The following ABCC12 variants were observed in gnomAD, a reference collection of about 807,000 sequenced individuals.
ABCC12 encodes the protein ATP binding cassette subfamily C member 12, also known as ATP-binding cassette sub-family C member 12.
A neutral mutation model predicts 151.1 loss-of-function variants in ABCC12; 142 were observed. That is an observed-to-expected ratio of 0.94 (90% CI 0.82 to 1.08). The LOEUF (loss-of-function observed/expected upper bound fraction) is 1.08, where lower values mean the gene tolerates loss of function less well. ABCC12 is among the 50% of genes least tolerant of loss of function. The pLI is 0.00. For missense variants in ABCC12, 1,638 were observed against 1,691.1 expected (o/e 0.97, Z 0.55); for synonymous variants, 645 against 646.4 (o/e 1.00, Z 0.03).
At chr16:48,138,108 C>A (rs2150668236) in intron 8 of ABCC12, 120 bp downstream of exon 8, 1 of 1,081,340 alleles carries the variant, frequency 9.2e-7, no homozygotes, top group South Asian at 2.3e-5. Context: ...ACCTGCAGAG[C>A]AGCTCAGAGG....
In ABCC12 at chr16:48,130,637, T is replaced by C. The variant is rs572134354; in HGVS notation, c.1236+151A>G. The C allele has an allele frequency of 2.3e-5, 14 of 610,712 alleles. 1 individual carries two copies. The East Asian group carries it at 3.9e-4, about 17-fold the overall frequency. 37.8% of individuals were successfully genotyped at this position (610,712 alleles called of 1,614,324 possible). On this transcript the variant is annotated intron_variant, in intron 10 of 30. Coordinates refer to ENST00000311303, the MANE Select transcript of ABCC12 (RefSeq NM_001393797.1). Reference sequence around the variant, plus strand: ...CTGCTCTGTCCTTCATACACATTTATTCATCTAACTCTGAATGGATGCCCT... The same window carrying C: ...CTGCTCTGTCCTTCATACACATTTACTCATCTAACTCTGAATGGATGCCCT...
At chr16:48,149,441 T>A (rs1965088704) in intron 2 of ABCC12, among the ~76,000 whole-genome samples, 1 of 152,098 alleles carries the variant, frequency 6.6e-6, no homozygotes, top group African/African-American at 2.4e-5. Flanking sequence ...GAAGATCCAA[T>A]GATATGCTTC....
Position 48,107,377 on chromosome 16 carries a change from C to A in ABCC12, c.2420G>T (p.Gly807Val), listed in dbSNP as rs935722980. ...CCACCAGTTGCTGAAGGCAGCGCTGCCAATCATCAGGAGGAAGAGGAACAC... is the reference window on the plus strand; with the variant it reads ...CCACCAGTTGCTGAAGGCAGCGCTGACAATCATCAGGAGGAAGAGGAACAC... Reference protein sequence around the residue: ...FTVFLFLLMIGSAAFSNWWLG... With the variant: ...FTVFLFLLMIVSAAFSNWWLG... Residue 807 changes from glycine to valine, a missense_variant, in exon 20 of 31, where the codon GGC (glycine) becomes GTC (valine). Gly to Val is a moderately radical substitution (Grantham distance 109). Coordinates refer to ENST00000311303, the MANE Select transcript of ABCC12 (RefSeq NM_001393797.1). 1.2e-6 allele frequency: 2 copies of A among 1,614,166 alleles called. No individual in the cohort carries two copies. Among genetic ancestry groups the A allele is most frequent in the African/African-American group, 2.7e-5 (2 of 75,034 alleles).
intron 12 of ABCC12, among the ~76,000 whole-genome samples, chr16:48,122,141 C>T (rs1483556324): frequency 2.6e-5 from 4 of 152,238 alleles, no homozygotes; most frequent in Non-Finnish European, 4.4e-5. Flanking sequence ...CTGGGCCCAA[C>T]TACAACAGGA....
chr16:48,140,959 A>G (rs1964789356), intron 5 of ABCC12, 39 bp from the exon 6 acceptor site: 1 of 1,582,580 alleles, frequency 6.3e-7, no homozygotes, highest in South Asian at 1.1e-5. Flanking sequence ...AGGGCCACTG[A>G]GGGCTGAGGC....
chr16:48,086,537 T>C, intron 28 of ABCC12: 2 of 557,194 alleles, frequency 3.6e-6, no homozygotes, highest in East Asian at 3.0e-5. Flanking sequence ...CATGTAGTGC[T>C]CTTGACTGGA....
intron 5 of ABCC12, 92 bp downstream of exon 5, chr16:48,141,114 C>T: frequency 1.9e-6 from 3 of 1,540,924 alleles, no homozygotes; most frequent in Non-Finnish European, 2.6e-6. Context: ...TGACAATGCA[C>T]TAAACCCACC....
chr16:48,099,133 A>G (rs1218396359), intron 23 of ABCC12, among the ~76,000 whole-genome samples: 1 of 152,186 alleles, frequency 6.6e-6, no homozygotes, highest in Non-Finnish European at 1.5e-5. Context: ...ATTTAATGCA[A>G]TTCCAGGCTG....
At chr16:48,135,319 C>T (rs1964572900) in intron 8 of ABCC12, among the ~76,000 whole-genome samples, 1 of 152,160 alleles carries the variant, frequency 6.6e-6, no homozygotes, top group South Asian at 2.1e-4. Context: ...GATAAGCAGG[C>T]CACAGTTCGG....
At chr16:48,146,257 T>C in intron 3 of ABCC12, 49 bp downstream of exon 3, 5 of 1,551,392 alleles carry the variant, frequency 3.2e-6, no homozygotes, top group Non-Finnish European at 4.5e-6. Flanking sequence ...TGATGGACAT[T>C]CCTGGAGGTC....
At position 48,115,575 on chromosome 16, in the gene ABCC12, C is replaced by A. The variant is rs780410631; in HGVS notation, c.1829G>T (p.Arg610Met). The A allele has an allele frequency of 6.2e-7, 1 of 1,614,128 alleles. No individual in the cohort carries two copies. Among genetic ancestry groups the A allele is most frequent in the South Asian group, 1.1e-5 (1 of 91,082 alleles). Residue 610 changes from arginine to methionine, a missense_variant, in exon 15 of 31, where the codon AGG becomes ATG. Arg to Met is a moderately conservative substitution (Grantham distance 91). Coordinates refer to ENST00000311303, the MANE Select transcript of ABCC12 (RefSeq NM_001393797.1). ...GLNLSGGQRQ[R>M]ISLARAVYSD... ...GTAGACAGCGCGGGCCAGGCTAATC[C>A]TCTGCCTCTGCCCCCCAGAGAGGTT...
intron 22 of ABCC12, 108 bp from the exon 23 acceptor site, chr16:48,101,117 A>G (rs1310929494): frequency 7.7e-7 from 1 of 1,298,420 alleles, no homozygotes; most frequent in Non-Finnish European, 1.0e-6. Context: ...CTTAAGTCAG[A>G]GACGGTGCCA....
chr16:48,140,598 C>T, intron 6 of ABCC12, 89 bp downstream of exon 6: 1 of 1,251,090 alleles, frequency 8.0e-7, no homozygotes. Flanking sequence ...AAAAGGAAGG[C>T]AGGTGCTCCA....
intron 9 of ABCC12, among the ~76,000 whole-genome samples, chr16:48,131,778 C>G (rs74018252): frequency 0.04 from 6,119 of 152,232 alleles, 419 homozygotes; most frequent in African/African-American, 0.14. Flanking sequence ...CCCATGGACA[C>G]GGCCCCAGGC....
rs1963684649 is a variant in ABCC12, at chr16:48,111,477, C to T, written c.2240G>A (p.Gly747Glu). ...TTCTGAGCCTGTTTCAGATTCTTTT[C>T]CTTCATCTTTCTCATTTCCTGGAGC... ...VLAPGNEKDE[G>E]KESETGSEFV... Residue 747 changes from glycine (G) to glutamate (E), a missense_variant, in exon 18 of 31, where the codon GGA (glycine) becomes GAA (glutamate). Physicochemically the swap from Gly to Glu is moderately conservative, Grantham distance 98. Coordinates refer to ENST00000311303, the MANE Select transcript of ABCC12 (RefSeq NM_001393797.1). 2 of 1,614,050 alleles carry T rather than the reference C, an allele frequency of 1.2e-6. No individual in the cohort carries two copies. Among genetic ancestry groups the T allele is most frequent in the African/African-American group, 2.7e-5 (2 of 74,920 alleles).
chr16:48,108,322 A>G, intron 19 of ABCC12, 118 bp downstream of exon 19: 2 of 880,486 alleles, frequency 2.3e-6, no homozygotes, highest in Non-Finnish European at 3.4e-6. Context: ...GCATTGATAA[A>G]TGGCCCTAGC....
intron 22 of ABCC12, among the ~76,000 whole-genome samples, chr16:48,101,237 G>A (rs935670843): frequency 1.3e-5 from 2 of 152,142 alleles, no homozygotes; most frequent in Non-Finnish European, 2.9e-5. Flanking sequence ...GTTTGGCCAC[G>A]GTGCTGTGTT....
Position 48,083,399 on chromosome 16 carries a change from T to C in ABCC12, c.*316A>G, listed in dbSNP as rs1962430768. On this transcript the variant is annotated 3_prime_UTR_variant, in exon 31 of 31. Transcript: ENST00000311303. ...GATTTCTAACTGAAAGTTACAATAT[T>C]TTCAATCTCAGGCACTGGGGTGGTT... The C allele has an allele frequency of 3.4e-6, 1 of 294,728 alleles. No individual in the cohort carries two copies. Among genetic ancestry groups the C allele is most frequent in the Admixed American group, 5.2e-5 (1 of 19,250 alleles). 18.3% of individuals were successfully genotyped at this position (294,728 alleles called of 1,614,324 possible). A position where few individuals can be genotyped will look rare whatever the true frequency, so the allele number is the denominator to read the frequency against.
chr16:48,096,873 C>G lies in ABCC12; in HGVS notation c.3068G>C (p.Arg1023Thr), dbSNP rs1389373415. The part of the protein sequence containing the change: ...YHLLYFNCAL[R>T]WFALRMDVLM... Reference sequence around the variant, plus strand: ...GACATCCATTCTCAGCGCAAACCACCTGAGAGCACAGTTAAAGTAGAGGAG... The same window carrying G: ...GACATCCATTCTCAGCGCAAACCACGTGAGAGCACAGTTAAAGTAGAGGAG... Residue 1023 changes from arginine (R) to threonine (T), a missense_variant, in exon 24 of 31, where the codon AGG becomes ACG. Physicochemically the swap from Arg to Thr is moderately conservative, Grantham distance 71. Transcript: ENST00000311303. The G allele has an allele frequency of 6.2e-7, 1 of 1,614,012 alleles. No homozygotes were observed. Among genetic ancestry groups the G allele is most frequent in the African/African-American group, 1.3e-5 (1 of 74,894 alleles).
Sources: gnomAD v4.1 joint callset for allele counts (sites outside exome capture counted in the v4.1 genomes callset) on GRCh38, gnomAD v4.1.1 for gene constraint, MANE v1.5 for transcripts, NCBI Gene and HGNC (gene_info 2026-07-23, HGNC 2026-07-21) for gene names.